The following CTNS variants were observed in gnomAD, a reference collection of about 807,000 sequenced individuals.
CTNS encodes the protein cystinosin, lysosomal cystine transporter, also known as cystinosin.
Under a neutral mutation model 43.7 loss-of-function variants are expected in CTNS, and 27 were observed. The observed-to-expected ratio is 0.62, with a 90% confidence interval of 0.46 to 0.85. CTNS has a LOEUF of 0.85. Among genes scored for constraint, CTNS ranks in the 40% least tolerant of loss-of-function variants. The pLI is 0.00. For synonymous variants in CTNS, 187 were observed against 190.6 expected (o/e 0.98, Z 0.16); for missense variants, 457 against 475.4 (o/e 0.96, Z 0.36).
At position 3,640,235 on chromosome 17, in the gene CTNS, T is replaced by C. The variant is rs754092691; in HGVS notation, c.29T>C (p.Ile10Thr). ...ATAAGGAATTGGCTGACTATTTTTA[T>C]CCTTTTTCCCCTGAAGCTCGTAGAG... Reference protein sequence around the residue: MIRNWLTIFILFPLKLVEKC... With the variant: MIRNWLTIFTLFPLKLVEKC... The change falls in exon 3 of 12, where the codon ATC becomes ACC. Residue 10 changes from isoleucine (I) to threonine (T), a missense_variant. By Grantham distance (89) the Ile-to-Thr change is moderately conservative. Transcript: ENST00000046640. 2.6e-5 allele frequency: 42 copies of C among 1,614,058 alleles called. 1 individual carries two copies. The highest frequency in any genetic ancestry group is 3.3e-4 in the Middle Eastern group (2 of 6,084).
intron 4 of CTNS, 89 bp from the exon 5 acceptor site, chr17:3,648,758 G>C: frequency 9.1e-7 from 1 of 1,099,648 alleles, no homozygotes; most frequent in Non-Finnish European, 1.4e-6. Context: ...AACTGCTTGA[G>C]AGTTGAAGGC....
intron 3 of CTNS, among the ~76,000 whole-genome samples, chr17:3,646,159 T>C (rs1232018741): frequency 6.6e-6 from 1 of 152,062 alleles, no homozygotes; most frequent in Non-Finnish European, 1.5e-5. Context: ...ATGGCAGGTG[T>C]GGCATGAGCC....
chr17:3,642,135 G>C (rs1467719132), intron 3 of CTNS, among the ~76,000 whole-genome samples: 1 of 70,158 alleles, frequency 1.4e-5, no homozygotes, highest in Non-Finnish European at 3.1e-5. Flanking sequence ...ATGTATGTGT[G>C]CCCGGGCGTG....
chr17:3,643,969 G>A lies in CTNS; in HGVS notation c.62-3475G>A, dbSNP rs559999446. 5.9e-5 allele frequency among the ~76,000 whole-genome samples: 9 copies of A among 152,232 alleles called. No individual in the cohort carries two copies. In the South Asian group the frequency reaches 1.0e-3, roughly 18 times the overall value. The stretch of plus-strand genomic sequence containing the variant: ...TGGGAGGATGGCTTGAGCCTGGCGG[G>A]GTCAAAGCTGCAGTGAGCCATGATC... On this transcript the variant is annotated intron_variant, in intron 3 of 11. Transcript: ENST00000046640.
At chr17:3,649,121 A>C (rs1201444381) in intron 5 of CTNS, among the ~76,000 whole-genome samples, 190 bp downstream of exon 5, 1 of 152,162 alleles carries the variant, frequency 6.6e-6, no homozygotes, top group East Asian at 1.9e-4. Flanking sequence ...AGAAGGTGAT[A>C]GTGAGGAACC....
At position 3,642,090 on chromosome 17, in the gene CTNS, C is replaced by CGTGTGTGTGTGT. The variant is rs770884384; in HGVS notation, c.61+1825_61+1836dup. Reference sequence around the variant, plus strand: ...GTGTGTGTGTGTGTGTGTGCCTGGGCGTGTGTGTGTGTGCCTGGGTGTGTG... The same window carrying CGTGTGTGTGTGT: ...GTGTGTGTGTGTGTGTGTGCCTGGGCGTGTGTGTGTGTGTGTGTGTGTGTGCCTGGGTGTGTG... On this transcript the variant is annotated intron_variant, in intron 3 of 11. Coordinates refer to ENST00000046640, the MANE Select transcript of CTNS (RefSeq NM_004937.3). 9.5e-5 allele frequency among the ~76,000 whole-genome samples: 12 copies of CGTGTGTGTGTGT among 125,904 alleles called. No individual in the cohort carries two copies. The South Asian group carries it at 1.0e-3, about 11-fold the overall frequency. The allele number at this position is 125,904 out of a possible 152,430, so 82.6% of individuals were successfully genotyped here.
intron 7 of CTNS, 70 bp downstream of exon 7, chr17:3,655,422 C>G: frequency 6.3e-7 from 1 of 1,597,140 alleles, no homozygotes. Context: ...GCAAGGCTGC[C>G]GATAGCGCAG....
Position 3,660,880 on chromosome 17 carries a change from AG to A in CTNS, c.*513del. ...TTAGGCCATGGGGCTCTTTCTCTGA[AG>A]GCCACTTTCCTGACGTACTCTCTGT... On this transcript the variant is annotated 3_prime_UTR_variant, in exon 12 of 12. Transcript: ENST00000046640. The A allele has an allele frequency of 8.1e-7, 1 of 1,239,610 alleles. No homozygotes were observed. 76.8% of individuals were successfully genotyped at this position (1,239,610 alleles called of 1,614,324 possible). A position where few individuals can be genotyped will look rare whatever the true frequency, so the allele number is the denominator to read the frequency against.
chr17:3,661,793 GTGGA>G lies in CTNS; in HGVS notation c.*1427_*1430del, dbSNP rs2076281994. Among the ~76,000 whole-genome samples the G allele has an allele frequency of 4.6e-5, 7 of 152,354 alleles. No homozygotes were observed. The South Asian group carries it at 1.5e-3, about 32-fold the overall frequency. Reference sequence around the variant, plus strand: ...CCACTCAATCTGGATGTGAGCCGGGGTGGATGAGGTTCTGAAGGGCACACCAGCA... The same window carrying G: ...CCACTCAATCTGGATGTGAGCCGGGGTGAGGTTCTGAAGGGCACACCAGCA... On this transcript the variant is annotated 3_prime_UTR_variant, in exon 12 of 12. Transcript: ENST00000046640.
chr17:3,659,558 C>T (rs2076236856), intron 10 of CTNS, among the ~76,000 whole-genome samples: 1 of 152,212 alleles, frequency 6.6e-6, no homozygotes, highest in Non-Finnish European at 1.5e-5. Flanking sequence ...GGCCTTGGCC[C>T]CAGGGATGTG....
At chr17:3,660,005 C>G in intron 11 of CTNS, 30 bp downstream of exon 11, 1 of 1,581,404 alleles carries the variant, frequency 6.3e-7, no homozygotes, top group East Asian at 2.2e-5. Flanking sequence ...GCTGGCCACC[C>G]TGCGGCTGGG....
chr17:3,653,441 C>T (rs1355436713), intron 5 of CTNS, among the ~76,000 whole-genome samples: 1 of 152,094 alleles, frequency 6.6e-6, no homozygotes. Flanking sequence ...GAAACCACTG[C>T]AGTCTAATGA....
At position 3,658,840 on chromosome 17, in the gene CTNS, C is replaced by T. The variant is rs568083801; in HGVS notation, c.852+665C>T. Among the ~76,000 whole-genome samples the T allele has an allele frequency of 1.5e-3, 230 of 152,262 alleles. 4 individuals are homozygous for T. The Middle Eastern group carries it at 0.017, about 11-fold the overall frequency. On this transcript the variant is annotated intron_variant, in intron 10 of 11. Coordinates refer to ENST00000046640, the MANE Select transcript of CTNS (RefSeq NM_004937.3). ...GACTAAGTTCTGTGGCCAAGGAGCC[C>T]GGGCGTTCCGGGCCAGGCCAGCCTG...
At chr17:3,636,862 C>G (rs1252788501) in intron 1 of CTNS, 31 bp downstream of exon 1, 2 of 152,340 alleles carry the variant, frequency 1.3e-5, no homozygotes, top group African/African-American at 2.4e-5. Flanking sequence ...CCCTGTTTCC[C>G]AGGCGGACCC....
chr17:3,647,299 C>T, intron 3 of CTNS, 145 bp from the exon 4 acceptor site: 1 of 736,344 alleles, frequency 1.4e-6, no homozygotes, highest in South Asian at 1.5e-5. Context: ...CTAACCAGGG[C>T]CTGTGTTTGC....
chr17:3,655,423 G>A (rs1041376826), intron 7 of CTNS, 71 bp downstream of exon 7: 22 of 1,594,870 alleles, frequency 1.4e-5, no homozygotes, highest in African/African-American at 5.4e-5. Context: ...CAAGGCTGCC[G>A]ATAGCGCAGC....
At chr17:3,654,750 T>C (rs1241218562) in intron 5 of CTNS, among the ~76,000 whole-genome samples, 1 of 151,002 alleles carries the variant, frequency 6.6e-6, no homozygotes, top group Admixed American at 6.6e-5. Flanking sequence ...ATCCCAGCAC[T>C]TTGGGAGGCT....
intron 4 of CTNS, 73 bp downstream of exon 4, chr17:3,647,595 T>C (rs991984831): frequency 3.9e-6 from 5 of 1,296,944 alleles, no homozygotes; most frequent in Non-Finnish European, 5.6e-6. Flanking sequence ...GACCCCTGGC[T>C]CAGTCTGTTC....
chr17:3,642,531 T>A (rs528656878), intron 3 of CTNS, among the ~76,000 whole-genome samples: 1 of 152,082 alleles, frequency 6.6e-6, no homozygotes, highest in East Asian at 1.9e-4. Flanking sequence ...CTACTAAAAA[T>A]ACAAAATTAG....
Sources: allele counts gnomAD v4.1 joint callset (sites outside exome capture counted in the v4.1 genomes callset), GRCh38; gene constraint gnomAD v4.1.1; transcripts MANE v1.5; gene names NCBI Gene and HGNC (gene_info 2026-07-23, HGNC 2026-07-21).